The following TSHR variants were observed in gnomAD, a reference collection of about 807,000 sequenced individuals.
TSHR encodes thyrotropin receptor.
In TSHR, 51 loss-of-function variants were observed where a neutral mutation model predicts 64.1. That is an observed-to-expected ratio of 0.80 (90% CI 0.64 to 1.01). The LOEUF is 1.01. Among genes scored for constraint, TSHR ranks in the 50% least tolerant of loss-of-function variants. TSHR has a pLI of 0.00. For missense variants in TSHR, 877 were observed against 942.8 expected (o/e 0.93, Z 0.91); for synonymous variants, 361 against 361.9 (o/e 1.00, Z 0.03).
intron 1 of TSHR, among the ~76,000 whole-genome samples, chr14:80,978,302 T>G (rs999343904): frequency 3.3e-5 from 5 of 152,190 alleles, no homozygotes; most frequent in Admixed American, 3.3e-4. Flanking sequence ...CATCACCAGC[T>G]TGCAGGAAGT....
Position 81,108,885 on chromosome 14 carries a change from G to A in TSHR, c.692+433G>A, listed in dbSNP as rs147279240. 11 of 1,436,336 alleles carry A rather than the reference G, an allele frequency of 7.7e-6. No individual in the cohort carries two copies. The East Asian group carries it at 2.5e-4, about 33-fold the overall frequency. The allele number at this position is 1,436,336 out of a possible 1,614,324, so 89.0% of individuals were successfully genotyped here. On this transcript the variant is annotated intron_variant, in intron 8 of 9. Coordinates refer to ENST00000298171, the MANE Select transcript of TSHR (RefSeq NM_000369.5). ...ATATAAATGATAGTTCGACTCGTCT[G>A]TGGAAGAACTTACAATCATGGGGAA...
At position 81,143,723 on chromosome 14, in the gene TSHR, T is replaced by G. The variant is rs762993768; in HGVS notation, c.1665T>G (p.Leu555=). ...GWVCCFLLAL[L]PLVGISSYAK... ...TTTGCTGCTTCCTTCTCGCCCTGCT[T>G]CCTTTGGTGGGAATAAGTAGCTATG... The change falls in exon 10 of 10, where the codon CTT becomes CTG. Residue 555 remains leucine, a synonymous_variant. Coordinates refer to ENST00000298171, the MANE Select transcript of TSHR (RefSeq NM_000369.5). 12 of 1,614,182 alleles carry G rather than the reference T, an allele frequency of 7.4e-6. No homozygotes were observed. Among genetic ancestry groups the G allele is most frequent in the Non-Finnish European group, 1.0e-5 (12 of 1,180,024 alleles).
At chr14:81,025,074 C>G (rs890892256) in intron 1 of TSHR, among the ~76,000 whole-genome samples, 4 of 152,284 alleles carry the variant, frequency 2.6e-5, no homozygotes, top group African/African-American at 9.6e-5. Context: ...TGCAGTAATA[C>G]AGTATGTACA....
rs570369573 is a variant in TSHR at position 81,024,893 on chromosome 14, A to G, written c.171-37255A>G. ...TTCAAGGTTTACAGTATTGCACTAA[A>G]TATAATGAAAAATATGTGAGAACAG... On this transcript the variant is annotated intron_variant, in intron 1 of 9. Coordinates refer to ENST00000298171, the MANE Select transcript of TSHR (RefSeq NM_000369.5). Among the ~76,000 whole-genome samples the G allele has an allele frequency of 7.9e-5, 12 of 151,120 alleles. 2 individuals are homozygous for G. The highest frequency in any genetic ancestry group is 7.2e-4 in the Admixed American group (11 of 15,292).
At chr14:80,982,045 T>C in intron 1 of TSHR, 1 of 462,522 alleles carries the variant, frequency 2.2e-6, no homozygotes. Context: ...GAGTCTGCTA[T>C]ACAAGCTAAA....
chr14:81,009,907 T>A (rs985997568), intron 1 of TSHR, among the ~76,000 whole-genome samples: 6 of 152,068 alleles, frequency 3.9e-5, no homozygotes, highest in African/African-American at 1.4e-4. Flanking sequence ...GATGAGGACT[T>A]GTTGGGTTGG....
chr14:80,996,122 T>G (rs912471622), intron 1 of TSHR, among the ~76,000 whole-genome samples: 11 of 152,192 alleles, frequency 7.2e-5, no homozygotes, highest in Admixed American at 6.5e-4. Flanking sequence ...TGTTCCCTTA[T>G]AATTATAATA....
Position 81,143,097 on chromosome 14 carries a change from C to G in TSHR, c.1039C>G (p.His347Asp), listed in dbSNP as rs1374886905. 4 of 1,614,166 alleles carry G rather than the reference C, an allele frequency of 2.5e-6. No individual in the cohort carries two copies. The highest frequency in any genetic ancestry group is 3.4e-6 in the Non-Finnish European group (4 of 1,180,032). The change falls in exon 10 of 10, where the codon CAT (histidine) becomes GAT (aspartate). Residue 347 changes from histidine (H) to aspartate (D), a missense_variant. Transcript: ENST00000298171. ...GGAAAAGTCCAAGTTCCAGGATACT[C>G]ATAACAACGCTCATTATTACGTCTT... ...YKEKSKFQDTHNNAHYYVFFE... is the reference protein window; with the variant it reads ...YKEKSKFQDTDNNAHYYVFFE...
intron 3 of TSHR, among the ~76,000 whole-genome samples, chr14:81,076,409 T>C (rs190456988): frequency 1.3e-5 from 2 of 152,296 alleles, no homozygotes; most frequent in East Asian, 1.9e-4. Flanking sequence ...AATTTATATA[T>C]CTAGTTCAGG....
intron 3 of TSHR, among the ~76,000 whole-genome samples, chr14:81,078,426 T>A (rs1223649009): frequency 6.6e-6 from 1 of 152,208 alleles, no homozygotes; most frequent in Non-Finnish European, 1.5e-5. Context: ...TTTTCCCCTC[T>A]GGTTACTTGT....
chr14:81,044,673 A>AAAAC (rs1555373983), intron 1 of TSHR, among the ~76,000 whole-genome samples: 5 of 137,452 alleles, frequency 3.6e-5, no homozygotes, highest in African/African-American at 1.0e-4. Context: ...AAAAAAAAAA[A>AAAAC]ACACACACAC....
intron 8 of TSHR, among the ~76,000 whole-genome samples, chr14:81,111,730 A>G (rs189543492): frequency 6.6e-6 from 1 of 152,242 alleles, no homozygotes; most frequent in Admixed American, 6.5e-5. Context: ...TGGCATTTTA[A>G]TTCTGCCTTA....
rs149779078 is a variant in TSHR at position 80,983,173 on chromosome 14, C to T, written c.170+27323C>T. The T allele has an allele frequency of 1.7e-3, 1,725 of 1,033,530 alleles. 35 individuals are homozygous for T. In the African/African-American group the frequency reaches 0.024, roughly 15 times the overall value. The allele number at this position is 1,033,530 out of a possible 1,614,324, so 64.0% of individuals were successfully genotyped here. A position where few individuals can be genotyped will look rare whatever the true frequency, so the allele number is the denominator to read the frequency against. On this transcript the variant is annotated intron_variant, in intron 1 of 9. Transcript: ENST00000298171. Reference sequence around the variant, plus strand: ...TGAGTAATTACTCTGAATCCTCCTTCTGGGGATGAAAGACAATGCAAAATT... The same window carrying T: ...TGAGTAATTACTCTGAATCCTCCTTTTGGGGATGAAAGACAATGCAAAATT...
At chr14:81,007,886 G>A (rs547279252) in intron 1 of TSHR, among the ~76,000 whole-genome samples, 29 of 152,256 alleles carry the variant, frequency 1.9e-4, no homozygotes, top group South Asian at 1.7e-3. Flanking sequence ...CCGTCTTAGC[G>A]TTCTTTCTGA....
chr14:80,973,735 T>C (rs1887718631), intron 1 of TSHR, among the ~76,000 whole-genome samples: 1 of 152,234 alleles, frequency 6.6e-6, no homozygotes, highest in South Asian at 2.1e-4. Flanking sequence ...TCGATGTTTC[T>C]TATAATAATA....
intron 1 of TSHR, chr14:81,003,415 C>T: frequency 6.0e-6 from 1 of 165,294 alleles, no homozygotes; most frequent in Non-Finnish European, 1.3e-5. Context: ...CCTCCTGTGT[C>T]CAGCCCCACC....
intron 1 of TSHR, among the ~76,000 whole-genome samples, chr14:81,046,570 A>G (rs1034397702): frequency 1.1e-4 from 16 of 152,030 alleles, no homozygotes; most frequent in Non-Finnish European, 1.5e-5. Flanking sequence ...CAAGTGATCT[A>G]TCTTGTGATC....
intron 8 of TSHR, among the ~76,000 whole-genome samples, chr14:81,137,874 A>G (rs1244907653): frequency 1.3e-5 from 2 of 152,234 alleles, no homozygotes; most frequent in Non-Finnish European, 2.9e-5. Flanking sequence ...GAAATGAGCC[A>G]TGAGATGCTC....
In TSHR at chr14:81,130,922, C is replaced by T. The variant is rs1207646898; in HGVS notation, c.693-8757C>T. On this transcript the variant is annotated intron_variant, in intron 8 of 9. Coordinates refer to ENST00000298171, the MANE Select transcript of TSHR (RefSeq NM_000369.5). The stretch of plus-strand genomic sequence containing the variant: ...AGGAGAATGGCGTGAACCCGGGAAG[C>T]GGAGCTTGCAGTGAGCCGAGATTGC... Among the ~76,000 whole-genome samples, 5 of 87,308 alleles carry T rather than the reference C, an allele frequency of 5.7e-5. 1 individual carries two copies. The highest frequency in any genetic ancestry group is 9.6e-5 in the Non-Finnish European group (5 of 51,998). 57.3% of individuals were successfully genotyped at this position (87,308 alleles called of 152,430 possible). A position where few individuals can be genotyped will look rare whatever the true frequency, so the allele number is the denominator to read the frequency against.
Sources: gnomAD v4.1 joint callset for allele counts (sites outside exome capture counted in the v4.1 genomes callset) on GRCh38, gnomAD v4.1.1 for gene constraint, MANE v1.5 for transcripts, NCBI Gene and HGNC (gene_info 2026-07-23, HGNC 2026-07-21) for gene names.